NEDD4: variants seen among roughly 807,000 people sequenced by gnomAD.
NEDD4 encodes E3 ubiquitin-protein ligase NEDD4.
Under a neutral mutation model 144.9 loss-of-function variants are expected in NEDD4, and 99 were observed. The observed-to-expected ratio is 0.68, with a 90% CI of 0.58 to 0.81. The LOEUF (loss-of-function observed/expected upper bound fraction) is 0.81, where lower values mean the gene tolerates loss of function less well. NEDD4 is among the 30% of genes least tolerant of loss of function. The pLI is 0.00. For synonymous variants in NEDD4, 318 were observed against 350.6 expected (o/e 0.91, Z 1.04); for missense variants, 985 against 1,065.9 (o/e 0.92, Z 1.06).
chr15:55,975,672 G>C (rs1168383563), intron 1 of NEDD4, among the ~76,000 whole-genome samples: 1 of 151,604 alleles, frequency 6.6e-6, no homozygotes, highest in Non-Finnish European at 1.5e-5. Context: ...TTCATGGATT[G>C]GAACAATCAA....
intron 18 of NEDD4, among the ~76,000 whole-genome samples, chr15:55,845,185 TTA>T (rs1358873309): frequency 2.0e-5 from 3 of 152,198 alleles, no homozygotes; most frequent in Non-Finnish European, 2.9e-5. Flanking sequence ...AACCTTTCTT[TTA>T]TATGTTTATC....
intron 4 of NEDD4, among the ~76,000 whole-genome samples, chr15:55,928,900 T>C (rs1213341384): frequency 1.3e-5 from 2 of 152,222 alleles, no homozygotes; most frequent in African/African-American, 4.8e-5. Flanking sequence ...AAATGTGTAG[T>C]GAGAATACTA....
intron 4 of NEDD4, among the ~76,000 whole-genome samples, chr15:55,931,575 T>C (rs1234865519): frequency 2.6e-5 from 4 of 152,186 alleles, no homozygotes; most frequent in African/African-American, 9.6e-5. Context: ...TGTTAGTCTA[T>C]AAATGCATAA....
At chr15:55,896,665 G>A (rs1337303801) in intron 5 of NEDD4, among the ~76,000 whole-genome samples, 1 of 152,252 alleles carries the variant, frequency 6.6e-6, no homozygotes, top group Middle Eastern at 3.4e-3. Flanking sequence ...TCAGGCTCCA[G>A]GTTAAGTTCA....
At chr15:55,983,634 CAG>C (rs2037843054) in intron 1 of NEDD4, among the ~76,000 whole-genome samples, 1 of 143,128 alleles carries the variant, frequency 7.0e-6, no homozygotes, top group Non-Finnish European at 1.5e-5. Flanking sequence ...TTTTTTGAGA[CAG>C]AGTGTTCTTC....
In NEDD4 at chr15:55,951,433, A is replaced by T; in HGVS notation, c.199-19T>A. On this transcript the variant is annotated intron_variant, in intron 3 of 28. Coordinates refer to ENST00000435532, the MANE Select transcript of NEDD4 (RefSeq NM_006154.4). ...TCAAACTCTAAAAAATAATAAACAT[A>T]GTATAACTAAATAAGGTTTTGTCTT... The T allele has an allele frequency of 8.6e-7, 1 of 1,164,298 alleles. No individual in the cohort carries two copies. The highest frequency in any genetic ancestry group is 1.2e-6 in the Non-Finnish European group (1 of 823,472). The allele number at this position is 1,164,298 out of a possible 1,614,324, so 72.1% of individuals were successfully genotyped here.
In NEDD4 at chr15:55,873,927, C is replaced by T; in HGVS notation, c.342+31G>A. On this transcript the variant is annotated intron_variant, in intron 6 of 28. Coordinates refer to ENST00000435532, the MANE Select transcript of NEDD4 (RefSeq NM_006154.4). ...ATTTATTAAATTAAAAAAATAAGCC[C>T]AAAAGGAAAATCATGGACACCTATA... 2.2e-6 allele frequency: 3 copies of T among 1,361,576 alleles called. No individual in the cohort carries two copies. The South Asian group carries it at 4.9e-5, about 22-fold the overall frequency. The allele number at this position is 1,361,576 out of a possible 1,614,324, so 84.3% of individuals were successfully genotyped here. A position where few individuals can be genotyped will look rare whatever the true frequency, so the allele number is the denominator to read the frequency against.
At chr15:55,986,968 G>C (rs920932091) in intron 1 of NEDD4, among the ~76,000 whole-genome samples, 39 of 151,636 alleles carry the variant, frequency 2.6e-4, no homozygotes, top group Non-Finnish European at 4.6e-4. Context: ...ATGATTTATA[G>C]TCCTTTGGGT....
chr15:55,932,079 C>T (rs62045161), intron 4 of NEDD4, among the ~76,000 whole-genome samples: 12,490 of 152,094 alleles, frequency 0.082, 631 homozygotes, highest in Middle Eastern at 0.16. Context: ...AATTGTAGTT[C>T]GCATAATCCC....
chr15:55,850,609 C>A lies in NEDD4; in HGVS notation c.1280G>T (p.Trp427Leu). Residue 427 changes from tryptophan to leucine, a missense_variant, in exon 14 of 29, where the codon TGG becomes TTG. Transcript: ENST00000435532. ...EIEQGFLPKGWEVRHAPNGRP... is the reference protein window; with the variant it reads ...EIEQGFLPKGLEVRHAPNGRP... ...CCCATTTGGTGCATGCCGGACTTCC[C>A]AGCCTTTAGGAAGGAATCCTTGCTC... 1.9e-6 allele frequency: 3 copies of A among 1,614,164 alleles called. No homozygotes were observed. The highest frequency in any genetic ancestry group is 2.5e-6 in the Non-Finnish European group (3 of 1,180,028).
intron 5 of NEDD4, among the ~76,000 whole-genome samples, chr15:55,895,977 G>A (rs2035726143): frequency 1.3e-5 from 2 of 152,170 alleles, no homozygotes; most frequent in Admixed American, 1.3e-4. Context: ...TTTATACGAG[G>A]CATCTTACAG....
chr15:55,854,396 A>G (rs1333533567), intron 12 of NEDD4, among the ~76,000 whole-genome samples: 1 of 152,188 alleles, frequency 6.6e-6, no homozygotes, highest in Non-Finnish European at 1.5e-5. Flanking sequence ...AGTGTCCATC[A>G]GCTGGTGAAT....
chr15:55,859,942 C>G (rs2034336485), intron 11 of NEDD4, among the ~76,000 whole-genome samples: 1 of 152,162 alleles, frequency 6.6e-6, no homozygotes, highest in African/African-American at 2.4e-5. Flanking sequence ...GCTTTAGCCT[C>G]ACTACAGATA....
chr15:55,910,952 G>A (rs992060187), intron 5 of NEDD4, among the ~76,000 whole-genome samples: 2 of 151,872 alleles, frequency 1.3e-5, no homozygotes, highest in African/African-American at 4.8e-5. Context: ...ACTATCAGCC[G>A]AAGACCCCCT....
intron 1 of NEDD4, among the ~76,000 whole-genome samples, chr15:55,984,160 A>T (rs189517536): frequency 6.6e-6 from 1 of 152,346 alleles, no homozygotes; most frequent in East Asian, 1.9e-4. Flanking sequence ...AAGACAGAAG[A>T]TGTGGAAATG....
intron 4 of NEDD4, among the ~76,000 whole-genome samples, chr15:55,928,524 T>C (rs1402780637): frequency 3.9e-5 from 6 of 152,142 alleles, no homozygotes; most frequent in African/African-American, 1.4e-4. Context: ...CAAATATGCA[T>C]CTACCCTATA....
Position 55,869,721 on chromosome 15 carries a change from C to T in NEDD4, c.405-40G>A, listed in dbSNP as rs1912402. On this transcript the variant is annotated intron_variant, in intron 7 of 28. Coordinates refer to ENST00000435532, the MANE Select transcript of NEDD4 (RefSeq NM_006154.4). The stretch of plus-strand genomic sequence containing the variant: ...ATAAATATTCATAAAACTTTAACAC[C>T]GGGAGAAAAGTATTCAATTAATAAG... The T allele has an allele frequency of 0.33, 406,819 of 1,251,390 alleles. 68,626 individuals are homozygous for T. Among genetic ancestry groups the T allele is most frequent in the South Asian group, 0.43 (33,275 of 77,190 alleles). The allele number at this position is 1,251,390 out of a possible 1,614,324, so 77.5% of individuals were successfully genotyped here.
At chr15:55,906,228 T>A (rs1332919882) in intron 5 of NEDD4, among the ~76,000 whole-genome samples, 1 of 152,188 alleles carries the variant, frequency 6.6e-6, no homozygotes, top group African/African-American at 2.4e-5. Context: ...GTGTGGCGAT[T>A]CCTCACGGAT....
At chr15:55,903,570 A>T (rs2035980423) in intron 5 of NEDD4, among the ~76,000 whole-genome samples, 1 of 152,180 alleles carries the variant, frequency 6.6e-6, no homozygotes. Flanking sequence ...CACGCCTGTA[A>T]TCCCAGCACT....
Sources: gnomAD v4.1 joint callset for allele counts (sites outside exome capture counted in the v4.1 genomes callset) on GRCh38, gnomAD v4.1.1 for gene constraint, MANE v1.5 for transcripts, NCBI Gene and HGNC (gene_info 2026-07-23, HGNC 2026-07-21) for gene names.